The following CSMD3 variants were observed in gnomAD, a reference collection of about 807,000 sequenced individuals.
The protein encoded by CSMD3 is CUB and sushi domain-containing protein 3.
In CSMD3, 177 loss-of-function variants were observed where a neutral mutation model predicts 435.2. That is an observed-to-expected ratio of 0.41 (90% confidence interval 0.36 to 0.46). The LOEUF (loss-of-function observed/expected upper bound fraction) is 0.46, where lower values mean the gene tolerates loss of function less well. CSMD3 is among the 20% of genes least tolerant of loss of function. CSMD3 has a pLI of 0.34. For missense variants in CSMD3, 4,265 were observed against 4,504.6 expected (o/e 0.95, Z 1.52); for synonymous variants, 1,656 against 1,520.5 (o/e 1.09, Z -2.07).
chr8:112,383,734 C>T (rs919931024), intron 36 of CSMD3, 71 bp from the exon 37 acceptor site: 5 of 952,918 alleles, frequency 5.2e-6, no homozygotes, highest in African/African-American at 4.8e-5. Flanking sequence ...TCCACCAATC[C>T]CCCTTGGAAA....
At position 113,046,078 on chromosome 8, in the gene CSMD3, C is replaced by G. The variant is rs750279253; in HGVS notation, c.918-26899G>C. On this transcript the variant is annotated intron_variant, in intron 5 of 70. Transcript: ENST00000297405. ...TCCAGAAAAAGAAACTCTGGATCCT[C>G]AGCTCATGTGGTCTATCGGGAAGTA... 2.0e-5 allele frequency among the ~76,000 whole-genome samples: 3 copies of G among 149,338 alleles called. 1 individual carries two copies. Among genetic ancestry groups the G allele is most frequent in the Non-Finnish European group, 4.5e-5 (3 of 66,416 alleles).
intron 22 of CSMD3, among the ~76,000 whole-genome samples, chr8:112,605,638 G>A (rs1441394063): frequency 1.6e-5 from 2 of 124,764 alleles, no homozygotes; most frequent in Admixed American, 8.2e-5. Context: ...GAGGGCAGAG[G>A]GTGGGAGTAG....
chr8:112,454,731 C>T (rs72676610), intron 32 of CSMD3, among the ~76,000 whole-genome samples: 324 of 152,140 alleles, frequency 2.1e-3, no homozygotes, highest in Non-Finnish European at 4.0e-3. Context: ...TGGCTCATTC[C>T]TGTAATTTCA....
chr8:112,241,644 A>T (rs1814156658), intron 66 of CSMD3, 76 bp downstream of exon 66: 1 of 932,590 alleles, frequency 1.1e-6, no homozygotes. Flanking sequence ...TTTTAAATAC[A>T]CAGTTACTAT....
At chr8:113,418,906 G>A (rs768408110) in intron 1 of CSMD3, among the ~76,000 whole-genome samples, 8 of 152,190 alleles carry the variant, frequency 5.3e-5, no homozygotes, top group African/African-American at 1.9e-4. Flanking sequence ...CTTTCCAACA[G>A]GGGACAAACT....
At chr8:112,575,461 C>T (rs1468182022) in intron 23 of CSMD3, among the ~76,000 whole-genome samples, 1 of 152,050 alleles carries the variant, frequency 6.6e-6, no homozygotes, top group Non-Finnish European at 1.5e-5. Context: ...TGGTCTCTCT[C>T]TTTTTATACA....
intron 3 of CSMD3, among the ~76,000 whole-genome samples, chr8:113,197,706 CG>C (rs2132015367): frequency 6.6e-6 from 1 of 151,254 alleles, no homozygotes; most frequent in African/African-American, 2.4e-5. Flanking sequence ...CATTTTAAAA[CG>C]ATCTTATAGT....
chr8:112,719,612 G>A (rs961614736), intron 13 of CSMD3, among the ~76,000 whole-genome samples: 8 of 152,082 alleles, frequency 5.3e-5, no homozygotes, highest in Non-Finnish European at 1.2e-4. Flanking sequence ...ATGAGAGCTT[G>A]ACTTTTCAAA....
chr8:112,314,540 T>A lies in CSMD3; in HGVS notation c.7438A>T (p.Asn2480Tyr), dbSNP rs1190014611. The A allele has an allele frequency of 2.5e-6, 4 of 1,612,302 alleles. No homozygotes were observed. The highest frequency in any genetic ancestry group is 3.4e-6 in the Non-Finnish European group (4 of 1,178,486). Residue 2480 changes from asparagine to tyrosine, a missense_variant, in exon 48 of 71, where the codon AAT becomes TAT. By Grantham distance (143) the Asn-to-Tyr change is moderately radical (BLOSUM62 -2). This residue lies in a region of CSMD3 where 3,255 missense variants were observed against 3,380.2 expected (regional missense o/e 0.96). Coordinates refer to ENST00000297405, the MANE Select transcript of CSMD3 (RefSeq NM_198123.2). ...ATGCTCCATGCACACATTTGAAGATTTGGGTAACTGTCAGGATATCCAGGG... is the reference window on the plus strand; with the variant it reads ...ATGCTCCATGCACACATTTGAAGATATGGGTAACTGTCAGGATATCCAGGG... ...LSPGYPDSYP[N>Y]LQMCAWSISV... is the part of the protein sequence containing the mutation.
intron 32 of CSMD3, among the ~76,000 whole-genome samples, chr8:112,429,981 T>G (rs1366658996): frequency 1.3e-5 from 2 of 152,016 alleles, no homozygotes; most frequent in African/African-American, 4.8e-5. Context: ...TAGCAACAGG[T>G]GGGATTAAAA....
Position 112,390,671 on chromosome 8 carries a change from C to T in CSMD3, c.5927G>A (p.Gly1976Asp), listed in dbSNP as rs1184441673. 1 of 1,612,934 alleles carries T rather than the reference C, an allele frequency of 6.2e-7. No homozygotes were observed. The highest frequency in any genetic ancestry group is 8.5e-7 in the Non-Finnish European group (1 of 1,178,976). Residue 1976 changes from glycine to aspartate, a missense_variant, in exon 36 of 71, where the codon GGC becomes GAC. Coordinates refer to ENST00000297405, the MANE Select transcript of CSMD3 (RefSeq NM_198123.2). The part of the protein sequence containing the change: ...VWKITVPEGA[G>D]IQVQVVSFAT... The stretch of plus-strand genomic sequence containing the variant: ...AAACTTAAATATTCTTACTTGAATG[C>T]CAGCTCCCTCTGGCACTGTGATCTT...
intron 4 of CSMD3, among the ~76,000 whole-genome samples, chr8:113,127,208 C>T (rs1267519901): frequency 2.0e-5 from 3 of 151,950 alleles, no homozygotes; most frequent in Admixed American, 6.6e-5. Flanking sequence ...AAGGAGATTG[C>T]GAATGAAGAA....
intron 3 of CSMD3, among the ~76,000 whole-genome samples, chr8:113,203,137 C>G (rs1433796790): frequency 6.6e-6 from 1 of 151,770 alleles, no homozygotes; most frequent in African/African-American, 2.4e-5. Context: ...ACATTCTCAT[C>G]CCCCGAAAAT....
chr8:112,314,756 G>A, intron 47 of CSMD3, 139 bp from the exon 48 acceptor site: 1 of 693,096 alleles, frequency 1.4e-6, no homozygotes, highest in East Asian at 2.8e-5. Flanking sequence ...GAAGAGACAA[G>A]TTGTATTAAA....
intron 3 of CSMD3, among the ~76,000 whole-genome samples, chr8:113,210,209 C>T (rs2092817822): frequency 6.6e-6 from 1 of 152,044 alleles, no homozygotes; most frequent in Non-Finnish European, 1.5e-5. Flanking sequence ...TTTCATTTTA[C>T]ACCTGATTTC....
At chr8:112,620,767 C>G (rs1834007522) in intron 22 of CSMD3, among the ~76,000 whole-genome samples, 1 of 152,146 alleles carries the variant, frequency 6.6e-6, no homozygotes, top group Admixed American at 6.6e-5. Context: ...TCTATAATTT[C>G]CTACTCCTTA....
intron 59 of CSMD3, among the ~76,000 whole-genome samples, chr8:112,270,369 T>TGTGTGTGTGTGTGTTAGGGGTGA (rs1563717533): frequency 6.0e-5 from 9 of 150,468 alleles, no homozygotes; most frequent in African/African-American, 2.2e-4. Context: ...TGTGTGTGTG[T>TGTGTGTGTGTGTGTTAGGGGTGA]GTGTGTGTGT....
chr8:112,223,403 A>G lies in CSMD3; in HGVS notation c.*1368T>C, dbSNP rs1347868057. ...TCCATATTTGAAAGGGACAACAACA[A>G]AGAGTTAACACTGGGTACATGATCG... On this transcript the variant is annotated 3_prime_UTR_variant, in exon 71 of 71. Transcript: ENST00000297405. The G allele has an allele frequency of 4.1e-6, 1 of 242,190 alleles. No individual in the cohort carries two copies. Among genetic ancestry groups the G allele is most frequent in the Non-Finnish European group, 7.9e-6 (1 of 127,078 alleles). 15.0% of individuals were successfully genotyped at this position (242,190 alleles called of 1,614,324 possible).
intron 39 of CSMD3, 97 bp downstream of exon 39, chr8:112,352,319 A>G (rs1302639952): frequency 1.3e-6 from 2 of 1,581,478 alleles, no homozygotes; most frequent in Non-Finnish European, 1.7e-6. Flanking sequence ...ACAAACCAGG[A>G]TCAATGTTGT....
Sources: gnomAD v4.1 joint callset for allele counts (sites outside exome capture counted in the v4.1 genomes callset) on GRCh38, gnomAD v4.1.1 for gene constraint, gnomAD v4.1.1 regional missense constraint, MANE v1.5 for transcripts, NCBI Gene and HGNC (gene_info 2026-07-23, HGNC 2026-07-21) for gene names.